Variants in ZNF483 observed in about 807,000 individuals in gnomAD.
ZNF483 encodes the protein zinc finger protein HIT-10.
In ZNF483, 9 loss-of-function variants were observed where a neutral mutation model predicts 28.6. The observed-to-expected ratio is 0.32, with a 90% CI of 0.19 to 0.55. The LOEUF (loss-of-function observed/expected upper bound fraction) is 0.55, where lower values mean the gene tolerates loss of function less well. ZNF483 is among the 20% of genes least tolerant of loss of function. The pLI is 0.93. For missense variants in ZNF483, 675 were observed against 871.7 expected (o/e 0.77, Z 2.84); for synonymous variants, 322 against 306.2 (o/e 1.05, Z -0.54).
downstream of ZNF483, among the ~76,000 whole-genome samples, chr9:111,558,574 A>C (rs150424533): frequency 5.0e-3 from 767 of 152,308 alleles, 7 homozygotes; most frequent in African/African-American, 0.018. Context: ...GCCCCAGAAC[A>C]AACCATTTCT....
chr9:111,529,308 A>G (rs1827262132), intron 2 of ZNF483, among the ~76,000 whole-genome samples: 1 of 152,236 alleles, frequency 6.6e-6, no homozygotes, highest in African/African-American at 2.4e-5. Flanking sequence ...ATTTGAAAAA[A>G]TAATTTTTCT....
Position 111,555,060 on chromosome 9 carries a change from G to A in ZNF483, c.*11890G>A, listed in dbSNP as rs1428778157. On this transcript the variant is annotated 3_prime_UTR_variant, in exon 6 of 6. Coordinates refer to ENST00000309235, the MANE Select transcript of ZNF483 (RefSeq NM_133464.5). ...TATAAGCCTGGCTACCATTACTGGC[G>A]AGCAGGCAGAGGCACGCCACATGGT... Among the ~76,000 whole-genome samples, 1 of 152,158 alleles carries A rather than the reference G, an allele frequency of 6.6e-6. No individual in the cohort carries two copies. Among genetic ancestry groups the A allele is most frequent in the Admixed American group, 6.5e-5 (1 of 15,274 alleles).
intron 5 of ZNF483, among the ~76,000 whole-genome samples, chr9:111,575,892 T>A (rs569692058): frequency 1.3e-5 from 2 of 152,102 alleles, no homozygotes; most frequent in East Asian, 3.9e-4. Context: ...AAAAATAGAT[T>A]AATTGGGCTT....
intron 5 of ZNF483, among the ~76,000 whole-genome samples, chr9:111,572,737 AC>A (rs1470108454): frequency 1.4e-5 from 2 of 147,680 alleles, no homozygotes; most frequent in Admixed American, 6.8e-5. Context: ...AGCCTGGGCA[AC>A]AAAGCGAGAC....
Position 111,544,248 on chromosome 9 carries a change from A to G in ZNF483, c.*1078A>G, listed in dbSNP as rs1196613947. 1.3e-5 allele frequency: 13 copies of G among 985,198 alleles called. No homozygotes were observed. Among genetic ancestry groups the G allele is most frequent in the Non-Finnish European group, 1.6e-5 (13 of 829,932 alleles). The allele number at this position is 985,198 out of a possible 1,614,324, so 61.0% of individuals were successfully genotyped here. A position where few individuals can be genotyped will look rare whatever the true frequency, so the allele number is the denominator to read the frequency against. On this transcript the variant is annotated 3_prime_UTR_variant, in exon 6 of 6. Coordinates refer to ENST00000309235, the MANE Select transcript of ZNF483 (RefSeq NM_133464.5). ...TTTGCAAAAATTCTACTTTAAAACA[A>G]TTTTGCCTGTAGCAAGTACATTTTT...
chr9:111,556,637 C>T (rs528921049), downstream of ZNF483, among the ~76,000 whole-genome samples: 133 of 152,290 alleles, frequency 8.7e-4, no homozygotes, highest in Non-Finnish European at 1.5e-3. Flanking sequence ...TCCAATGCTG[C>T]GGGAGGGACC....
chr9:111,555,506 A>G (rs1564605358), downstream of ZNF483, among the ~76,000 whole-genome samples: 1 of 152,192 alleles, frequency 6.6e-6, no homozygotes, highest in Non-Finnish European at 1.5e-5. Flanking sequence ...TCACACTGCT[A>G]TAAGGAACTA....
In ZNF483 at chr9:111,554,535, T is replaced by A. The variant is rs1318218898; in HGVS notation, c.*11365T>A. On this transcript the variant is annotated 3_prime_UTR_variant, in exon 6 of 6. Transcript: ENST00000309235. ...AGACCTCGAGTGGATGCCTGCAACCTCAGATAGTACCAAACCCTGTATGTT... is the reference window on the plus strand; with the variant it reads ...AGACCTCGAGTGGATGCCTGCAACCACAGATAGTACCAAACCCTGTATGTT... Among the ~76,000 whole-genome samples, 2 of 152,130 alleles carry A rather than the reference T, an allele frequency of 1.3e-5. No homozygotes were observed. Among genetic ancestry groups the A allele is most frequent in the Non-Finnish European group, 2.9e-5 (2 of 68,014 alleles).
chr9:111,555,745 AGG>A (rs1237484168), downstream of ZNF483, among the ~76,000 whole-genome samples: 3 of 152,158 alleles, frequency 2.0e-5, no homozygotes, highest in East Asian at 5.8e-4. Context: ...GAACAACAGG[AGG>A]GAAATCTGCC....
exon 6 of ZNF483, chr9:111,576,455 T>A: frequency 1.2e-6 from 2 of 1,613,676 alleles, no homozygotes; most frequent in Non-Finnish European, 1.7e-6. Flanking sequence ...TACACAGAGA[T>A]GACCAGAGGA....
downstream of ZNF483, among the ~76,000 whole-genome samples, chr9:111,559,343 T>A (rs1272338213): frequency 2.0e-5 from 3 of 152,142 alleles, no homozygotes; most frequent in East Asian, 5.8e-4. Flanking sequence ...CTTTGACTCC[T>A]CACACCAGGC....
rs1383013150 is a variant in ZNF483, at chr9:111,534,312, T to C, written c.680T>C (p.Leu227Ser). The C allele has an allele frequency of 6.2e-7, 1 of 1,614,170 alleles. No homozygotes were observed. Among genetic ancestry groups the C allele is most frequent in the South Asian group, 1.1e-5 (1 of 91,078 alleles). Residue 227 changes from leucine (L) to serine (S), a missense_variant, in exon 5 of 6, where the codon TTG becomes TCG. Leu to Ser is a moderately radical substitution (Grantham distance 145, BLOSUM62 -2). This residue lies in a region of ZNF483 where 525 missense variants were observed against 581.8 expected (regional missense o/e 0.90). Coordinates refer to ENST00000309235, the MANE Select transcript of ZNF483 (RefSeq NM_133464.5). ...ATTTCCCAGCTAAAGTGGGTTGAAT[T>C]GCCATGGCTGCTGGAAGAAGTCTCA... is the stretch of plus-strand genomic sequence containing the variant. ...ELISQLKWVELPWLLEEVSKS... is the reference protein window; with the variant it reads ...ELISQLKWVESPWLLEEVSKS...
chr9:111,535,859 T>G (rs1827482294), intron 5 of ZNF483, among the ~76,000 whole-genome samples: 1 of 151,404 alleles, frequency 6.6e-6, no homozygotes, highest in African/African-American at 2.4e-5. Flanking sequence ...TTAGGTTTTT[T>G]TATACTTACC....
intron 5 of ZNF483, chr9:111,563,253 T>C (rs764529053): frequency 1.9e-6 from 3 of 1,599,270 alleles, no homozygotes; most frequent in African/African-American, 2.7e-5. Flanking sequence ...CAACAACAAA[T>C]TTTAAAACTT....
At chr9:111,525,481 G>A (rs974450149) in intron 1 of ZNF483, among the ~76,000 whole-genome samples, 2 of 140,666 alleles carry the variant, frequency 1.4e-5, no homozygotes, top group African/African-American at 5.5e-5. Context: ...CATTTTGGGC[G>A]GGATAATGCC....
At chr9:111,536,750 ACT>A (rs1827513562) in intron 5 of ZNF483, among the ~76,000 whole-genome samples, 1 of 151,870 alleles carries the variant, frequency 6.6e-6, no homozygotes, top group South Asian at 2.1e-4. Context: ...ATAACCGTTA[ACT>A]CTCCAAAAAC....
chr9:111,532,063 C>T (rs973235328), intron 3 of ZNF483, among the ~76,000 whole-genome samples: 1 of 152,134 alleles, frequency 6.6e-6, no homozygotes, highest in African/African-American at 2.4e-5. Flanking sequence ...AATCCCATCA[C>T]TTTGGGAGGC....
At position 111,550,358 on chromosome 9, in the gene ZNF483, C is replaced by T. The variant is rs1827904466; in HGVS notation, c.*7188C>T. Among the ~76,000 whole-genome samples, 1 of 152,160 alleles carries T rather than the reference C, an allele frequency of 6.6e-6. No homozygotes were observed. The highest frequency in any genetic ancestry group is 2.4e-5 in the African/African-American group (1 of 41,420). ...CTCTGTGATCAGAAGTAGATATCTG[C>T]AATCAGAACCCTGATATTTGGAGGA... is the stretch of plus-strand genomic sequence containing the variant. On this transcript the variant is annotated 3_prime_UTR_variant, in exon 6 of 6. Coordinates refer to ENST00000309235, the MANE Select transcript of ZNF483 (RefSeq NM_133464.5).
intron 3 of ZNF483, among the ~76,000 whole-genome samples, chr9:111,532,368 A>C (rs1827369796): frequency 6.6e-6 from 1 of 152,118 alleles, no homozygotes; most frequent in Admixed American, 6.5e-5. Context: ...ATTCTGGATT[A>C]TATAGGTGGG....
Sources: gnomAD v4.1 joint callset for allele counts (sites outside exome capture counted in the v4.1 genomes callset) on GRCh38, gnomAD v4.1.1 for gene constraint, gnomAD v4.1.1 regional missense constraint, MANE v1.5 for transcripts, NCBI Gene and HGNC (gene_info 2026-07-23, HGNC 2026-07-21) for gene names.